TLN1: variants seen among roughly 807,000 people sequenced by gnomAD.
TLN1 encodes talin 1, also known as talin-1.
Under a neutral mutation model 292.3 loss-of-function variants are expected in TLN1, and 56 were observed. The ratio of observed to expected loss-of-function variants is 0.19; its 90% CI spans 0.15 to 0.24. The LOEUF is 0.24. Ranked by LOEUF, TLN1 falls within the 10% of genes least tolerant of loss-of-function variation. TLN1 has a pLI of 1.00. For missense variants in TLN1, 2,433 were observed against 3,248.2 expected (o/e 0.75, Z 6.10); for synonymous variants, 1,119 against 1,253.7 (o/e 0.89, Z 2.27).
rs761616422 is a variant in TLN1, at chr9:35,706,576, C to T, written c.5089-25G>A. The T allele has an allele frequency of 6.2e-7, 1 of 1,611,332 alleles. No individual in the cohort carries two copies. The highest frequency in any genetic ancestry group is 8.5e-7 in the Non-Finnish European group (1 of 1,178,046). On this transcript the variant is annotated intron_variant, in intron 38 of 56. Coordinates refer to ENST00000314888, the MANE Select transcript of TLN1 (RefSeq NM_006289.4). This position sits in a 1 kb window ranked among gnomAD's most constrained non-coding sequence, Gnocchi z 4.2. Reference sequence around the variant, plus strand: ...CCTGGGGAGGAAGTGGACATTAGCCCTGATGGTGACCTGCAATAGGACCCT... The same window carrying T: ...CCTGGGGAGGAAGTGGACATTAGCCTTGATGGTGACCTGCAATAGGACCCT...
chr9:35,699,523 A>T lies in TLN1; in HGVS notation c.6769-62T>A, dbSNP rs1825426627. 6 of 1,546,844 alleles carry T rather than the reference A, an allele frequency of 3.9e-6. No individual in the cohort carries two copies. The highest frequency in any genetic ancestry group is 5.2e-6 in the Non-Finnish European group (6 of 1,143,468). Reference sequence around the variant, plus strand: ...ATCTTAGGGTCTACCCTGATCTATGAAATAGGGCAGACCATGGCCCCCTCA... The same window carrying T: ...ATCTTAGGGTCTACCCTGATCTATGTAATAGGGCAGACCATGGCCCCCTCA... On this transcript the variant is annotated intron_variant, in intron 50 of 56. Coordinates refer to ENST00000314888, the MANE Select transcript of TLN1 (RefSeq NM_006289.4). This position sits in a 1 kb window ranked among gnomAD's most constrained non-coding sequence, Gnocchi z 4.0.
rs34033956 is a variant in TLN1, at chr9:35,711,596, G to A, written c.3878C>T (p.Pro1293Leu). The A allele has an allele frequency of 4.7e-5, 76 of 1,613,378 alleles. No individual in the cohort carries two copies. The highest frequency in any genetic ancestry group is 4.5e-5 in the Non-Finnish European group (53 of 1,180,020). The change falls in exon 29 of 57, where the codon CCG (proline) becomes CTG (leucine). Residue 1293 changes from proline (P) to leucine (L), a missense_variant and splice_region_variant. Pro to Leu is a moderately conservative substitution (Grantham distance 98). Transcript: ENST00000314888. ...EAGVEMAGQA[P>L]SQEDRAQVVS... The stretch of plus-strand genomic sequence containing the variant: ...ACCAGACCCTCTGCCTCTTCATACC[G>A]GAGCCTGGCCTGCCATCTCCACACC...
In TLN1 at chr9:35,703,915, GT is replaced by G. The variant is rs1563939085; in HGVS notation, c.6232-16del. 6.2e-7 allele frequency: 1 copy of G among 1,614,042 alleles called. No homozygotes were observed. The highest frequency in any genetic ancestry group is 1.7e-5 in the Admixed American group (1 of 60,024). ...ATTAGTACCACCTGTGTGGGAAAGC[GT>G]TGGCTCTGGTCTATGGGAGGAAGAA... On this transcript the variant is annotated splice_polypyrimidine_tract_variant and intron_variant, in intron 46 of 56. Coordinates refer to ENST00000314888, the MANE Select transcript of TLN1 (RefSeq NM_006289.4).
intron 1 of TLN1, among the ~76,000 whole-genome samples, chr9:35,726,798 G>A (rs1045205576): frequency 3.9e-5 from 6 of 152,186 alleles, no homozygotes; most frequent in African/African-American, 1.4e-4. Context: ...CTTGTGTTTT[G>A]GAGAAGGGGA....
chr9:35,711,400 G>A lies in TLN1; in HGVS notation c.3880-6C>T. On this transcript the variant is annotated splice_polypyrimidine_tract_variant and splice_region_variant and intron_variant, in intron 29 of 56. Coordinates refer to ENST00000314888, the MANE Select transcript of TLN1 (RefSeq NM_006289.4). ...TGGGCTCGGTCCTCCTGGCTCTGTT[G>A]AAGGTGACAAGGTCAATGCATTGTC... The A allele has an allele frequency of 6.2e-7, 1 of 1,614,186 alleles. No homozygotes were observed. Among genetic ancestry groups the A allele is most frequent in the Non-Finnish European group, 8.5e-7 (1 of 1,180,036 alleles).
At position 35,699,244 on chromosome 9, in the gene TLN1, G is replaced by A; in HGVS notation, c.6875-88C>T. 2 of 1,556,812 alleles carry A rather than the reference G, an allele frequency of 1.3e-6. No individual in the cohort carries two copies. Among genetic ancestry groups the A allele is most frequent in the Non-Finnish European group, 1.7e-6 (2 of 1,149,678 alleles). On this transcript the variant is annotated intron_variant, in intron 51 of 56. Coordinates refer to ENST00000314888, the MANE Select transcript of TLN1 (RefSeq NM_006289.4). The surrounding 1 kb of genome is among the most constrained non-coding windows in gnomAD (Gnocchi z 4.0). ...AGCATGGTTAGTATCATCAGGCCCT[G>A]GCATCTGTGGGGACTATGGTCAGAG...
intron 10 of TLN1, 115 bp downstream of exon 10, chr9:35,721,533 C>CT: frequency 3.3e-6 from 4 of 1,214,170 alleles, no homozygotes; most frequent in Non-Finnish European, 3.4e-6. Flanking sequence ...CTCTAACCTC[C>CT]TTTTTTTCTG....
rs1825575895 is a variant in TLN1, at chr9:35,706,981, C to T, written c.4956-81G>A. 6.2e-6 allele frequency: 10 copies of T among 1,609,060 alleles called. No individual in the cohort carries two copies. The highest frequency in any genetic ancestry group is 2.2e-5 in the East Asian group (1 of 44,860). The stretch of plus-strand genomic sequence containing the variant: ...CTATCCTTCCCCTGTATCCTCCCAA[C>T]ACCATCCCATCTCATTGCACTCAAG... On this transcript the variant is annotated intron_variant, in intron 37 of 56. Coordinates refer to ENST00000314888, the MANE Select transcript of TLN1 (RefSeq NM_006289.4). This position sits in a 1 kb window ranked among gnomAD's most constrained non-coding sequence, Gnocchi z 4.2.
Position 35,719,391 on chromosome 9 carries a change from A to G in TLN1, c.1688-109T>C. On this transcript the variant is annotated intron_variant, in intron 15 of 56. Coordinates refer to ENST00000314888, the MANE Select transcript of TLN1 (RefSeq NM_006289.4). The surrounding 1 kb of genome is among the most constrained non-coding windows in gnomAD (Gnocchi z 4.6). ...TAGTCACACACATGTCCACAGAAAGACGCACACACACAGTCCCTTCCACAG... is the reference window on the plus strand; with the variant it reads ...TAGTCACACACATGTCCACAGAAAGGCGCACACACACAGTCCCTTCCACAG... The G allele has an allele frequency of 7.5e-7, 1 of 1,341,936 alleles. No individual in the cohort carries two copies. The highest frequency in any genetic ancestry group is 1.1e-6 in the Non-Finnish European group (1 of 940,302). The allele number at this position is 1,341,936 out of a possible 1,614,324, so 83.1% of individuals were successfully genotyped here. A position where few individuals can be genotyped will look rare whatever the true frequency, so the allele number is the denominator to read the frequency against.
At chr9:35,712,745 T>C (rs1259377802) in intron 27 of TLN1, 90 bp downstream of exon 27, 1 of 1,166,994 alleles carries the variant, frequency 8.6e-7, no homozygotes. Flanking sequence ...TCTGTGAGTG[T>C]GGACGAGGCT....
chr9:35,714,441 G>T lies in TLN1; in HGVS notation c.2986-68C>A, dbSNP rs1017775064. The T allele has an allele frequency of 4.4e-6, 7 of 1,573,958 alleles. No individual in the cohort carries two copies. Among genetic ancestry groups the T allele is most frequent in the Non-Finnish European group, 6.0e-6 (7 of 1,162,060 alleles). ...TCTGGGCTTGGGTACAAGGACTGAT[G>T]ATGGTCAGGATGTAGGGAACACTGG... On this transcript the variant is annotated intron_variant, in intron 23 of 56. Coordinates refer to ENST00000314888, the MANE Select transcript of TLN1 (RefSeq NM_006289.4). The surrounding 1 kb of genome is among the most constrained non-coding windows in gnomAD (Gnocchi z 4.6).
Position 35,698,702 on chromosome 9 carries a change from C to T in TLN1, c.7126-23G>A, listed in dbSNP as rs996139642. 2 of 1,614,156 alleles carry T rather than the reference C, an allele frequency of 1.2e-6. No individual in the cohort carries two copies. Among genetic ancestry groups the T allele is most frequent in the Admixed American group, 1.7e-5 (1 of 60,032 alleles). ...CACCTGTAGGAAGGAGAAGAGCCTA[C>T]TTAGACCTGCATTTTCCTCACTTCA... is the stretch of plus-strand genomic sequence containing the variant. On this transcript the variant is annotated intron_variant, in intron 53 of 56. Transcript: ENST00000314888. This position sits in a 1 kb window ranked among gnomAD's most constrained non-coding sequence, Gnocchi z 5.3.
At chr9:35,715,030 C>A in intron 21 of TLN1, 29 bp downstream of exon 21, 1 of 1,612,590 alleles carries the variant, frequency 6.2e-7, no homozygotes, top group South Asian at 1.1e-5. Context: ...CACACTCTCT[C>A]TTGCTCCTGG....
chr9:35,700,408 C>T (rs772850124), intron 48 of TLN1, 32 bp from the exon 49 acceptor site: 2 of 1,583,224 alleles, frequency 1.3e-6, no homozygotes, highest in Non-Finnish European at 1.7e-6. Context: ...AAAGATTTTA[C>T]AGTGGCTGAG....
In TLN1 at chr9:35,707,148, G is replaced by A; in HGVS notation, c.4879C>T (p.Pro1627Ser). The A allele has an allele frequency of 6.2e-7, 1 of 1,610,520 alleles. No homozygotes were observed. The highest frequency in any genetic ancestry group is 1.7e-5 in the Admixed American group (1 of 58,706). The change falls in exon 37 of 57, where the codon CCC (proline) becomes TCC (serine). Residue 1627 changes from proline to serine, a missense_variant. Physicochemically the swap from Pro to Ser is moderately conservative, Grantham distance 74. Coordinates refer to ENST00000314888, the MANE Select transcript of TLN1 (RefSeq NM_006289.4). This position sits in a 1 kb window ranked among gnomAD's most constrained non-coding sequence, Gnocchi z 5.6. ...CCGGCCAGCACCGACCAGCTCGGGG[G>A]GTCCCGGGGATTGACTGCGAGGGCC... ...ARALAVNPRD[P>S]PSWSVLAGHS...
Position 35,707,969 on chromosome 9 carries a change from C to A in TLN1, c.4471-77G>T. On this transcript the variant is annotated intron_variant, in intron 34 of 56. Transcript: ENST00000314888. This position sits in a 1 kb window ranked among gnomAD's most constrained non-coding sequence, Gnocchi z 5.6. ...ACCCAAGGAGGAGCCATTTTAGGGT[C>A]AGGGGATGGAGAGCAATACCCTGAG... 1 of 1,545,642 alleles carries A rather than the reference C, an allele frequency of 6.5e-7. No homozygotes were observed. Among genetic ancestry groups the A allele is most frequent in the South Asian group, 1.2e-5 (1 of 86,744 alleles).
In TLN1 at chr9:35,724,529, C is replaced by T. The variant is rs370787291; in HGVS notation, c.511+43G>A. On this transcript the variant is annotated intron_variant, in intron 5 of 56. Coordinates refer to ENST00000314888, the MANE Select transcript of TLN1 (RefSeq NM_006289.4). This position sits in a 1 kb window ranked among gnomAD's most constrained non-coding sequence, Gnocchi z 4.7. Reference sequence around the variant, plus strand: ...AAGCAGATGCTGAAGCCCCTTCCCACCCTTCCCATTTCAAAAGCCCTCTTT... The same window carrying T: ...AAGCAGATGCTGAAGCCCCTTCCCATCCTTCCCATTTCAAAAGCCCTCTTT... The T allele has an allele frequency of 2.3e-5, 37 of 1,598,732 alleles. No individual in the cohort carries two copies. The highest frequency in any genetic ancestry group is 3.0e-5 in the Non-Finnish European group (35 of 1,172,072).
chr9:35,698,345 G>A lies in TLN1; in HGVS notation c.7349C>T (p.Ser2450Leu), dbSNP rs913381794. The A allele has an allele frequency of 2.5e-6, 4 of 1,614,150 alleles. No homozygotes were observed. Among genetic ancestry groups the A allele is most frequent in the Non-Finnish European group, 1.7e-6 (2 of 1,180,034 alleles). The part of the protein sequence containing the change: ...VACKVKADQD[S>L]EAMKRLQAAG... ...CACCTGAAGTCGTTTCATTGCCTCC[G>A]AGTCCTGGTCAGCCTTGACCTTGCA... Residue 2450 changes from serine to leucine, a missense_variant, in exon 55 of 57, where the codon TCG (serine) becomes TTG (leucine). This residue lies in a region of TLN1 where 141 missense variants were observed against 248.5 expected (regional missense o/e 0.57). Coordinates refer to ENST00000314888, the MANE Select transcript of TLN1 (RefSeq NM_006289.4). The surrounding 1 kb of genome is among the most constrained non-coding windows in gnomAD (Gnocchi z 5.3).
chr9:35,730,573 G>C (rs961241384), intron 1 of TLN1, among the ~76,000 whole-genome samples: 1 of 152,112 alleles, frequency 6.6e-6, no homozygotes, highest in South Asian at 2.1e-4. Flanking sequence ...AATGGTAGGA[G>C]AGTAATTTAA....
Sources: allele counts gnomAD v4.1 joint callset (sites outside exome capture counted in the v4.1 genomes callset), GRCh38; gene constraint gnomAD v4.1.1; regional missense constraint gnomAD v4.1.1; non-coding constraint Gnocchi (gnomAD v3.1); transcripts MANE v1.5; gene names NCBI Gene and HGNC (gene_info 2026-07-23, HGNC 2026-07-21).